Variants in DGKD observed in about 807,000 individuals in gnomAD.
The protein encoded by DGKD is diacylglycerol kinase delta.
Under a neutral mutation model 154.4 loss-of-function variants are expected in DGKD, and 68 were observed. That is an observed-to-expected ratio of 0.44 (90% confidence interval 0.36 to 0.54). The LOEUF is 0.54. Ranked by LOEUF, DGKD falls within the 20% of genes least tolerant of loss-of-function variation. The probability of loss-of-function intolerance (pLI) is 0.00; values close to 1 mark genes in which losing one functional copy is unlikely to be tolerated. For synonymous variants in DGKD, 693 were observed against 638.0 expected, an observed-to-expected ratio of 1.09 and a Z score of -1.30; for missense variants, 1,343 against 1,593.6, an observed-to-expected ratio of 0.84 and a Z score of 2.68.
intron 1 of DGKD, among the ~76,000 whole-genome samples, chr2:233,382,248 CAAAG>C (rs995085383): frequency 2.0e-5 from 3 of 152,128 alleles, no homozygotes; most frequent in Admixed American, 6.5e-5. Flanking sequence ...AACAAACAAA[CAAAG>C]AGATATGCAA....
rs530151189 is a variant in DGKD, at chr2:233,441,817, C to T, written c.1086-70C>T. The T allele has an allele frequency of 3.9e-5, 58 of 1,470,518 alleles. 1 individual carries two copies. Among genetic ancestry groups the T allele is most frequent in the South Asian group, 3.5e-4 (28 of 80,400 alleles). 91.1% of individuals were successfully genotyped at this position (1,470,518 alleles called of 1,614,324 possible). ...AGGAGCACAGGTGGCCCCTCAGCCC[C>T]GTACTGACAAGCCTGTCATTTGTCC... On this transcript the variant is annotated intron_variant, in intron 9 of 29. Transcript: ENST00000264057. The surrounding 1 kb of genome is among the most constrained non-coding windows in gnomAD (Gnocchi z 5.6).
At chr2:233,442,193 CG>C in intron 10 of DGKD, 198 bp downstream of exon 10, 2 of 689,548 alleles carry the variant, frequency 2.9e-6, no homozygotes, top group Non-Finnish European at 5.3e-6. Flanking sequence ...TGTGGAGGCC[CG>C]GGGGCTCTGG....
intron 3 of DGKD, among the ~76,000 whole-genome samples, chr2:233,403,853 G>A (rs2061617039): frequency 6.6e-6 from 1 of 152,038 alleles, no homozygotes; most frequent in Non-Finnish European, 1.5e-5. Context: ...TGCTGGCCAG[G>A]CCGGTCTCGA....
At chr2:233,450,283 T>C (rs1441852203) in intron 16 of DGKD, 152 bp downstream of exon 16, 3 of 1,031,212 alleles carry the variant, frequency 2.9e-6, no homozygotes, top group Non-Finnish European at 4.1e-6. Flanking sequence ...CCTGTTTCTG[T>C]GCATCTCCTG....
intron 17 of DGKD, 119 bp from the exon 18 acceptor site, chr2:233,451,845 A>C: frequency 1.2e-6 from 1 of 837,366 alleles, no homozygotes; most frequent in Non-Finnish European, 1.9e-6. Context: ...ATAATTTTAG[A>C]AACATTTAAT....
intron 1 of DGKD, among the ~76,000 whole-genome samples, chr2:233,361,221 C>T (rs1028751180): frequency 6.6e-6 from 1 of 152,138 alleles, no homozygotes. Flanking sequence ...CCAAAGAAGC[C>T]ACTTCCAAGG....
intron 27 of DGKD, among the ~76,000 whole-genome samples, chr2:233,464,936 G>A (rs2063781069): frequency 1.3e-5 from 2 of 152,256 alleles, no homozygotes; most frequent in South Asian, 4.1e-4. Flanking sequence ...AGTTGCAGAA[G>A]GCAAATAACT....
At chr2:233,406,456 G>A (rs147069411) in intron 3 of DGKD, among the ~76,000 whole-genome samples, 504 of 152,270 alleles carry the variant, frequency 3.3e-3, no homozygotes, top group Admixed American at 5.2e-3. Flanking sequence ...CTGCAAGGTC[G>A]ACCGAGCCCT....
At chr2:233,404,337 A>G (rs2061629264) in intron 3 of DGKD, among the ~76,000 whole-genome samples, 1 of 152,180 alleles carries the variant, frequency 6.6e-6, no homozygotes. Flanking sequence ...TAATGCTAGA[A>G]TGTGCATTTC....
chr2:233,435,604 A>G (rs1278312214), intron 5 of DGKD, among the ~76,000 whole-genome samples: 1 of 152,168 alleles, frequency 6.6e-6, no homozygotes, highest in Non-Finnish European at 1.5e-5. Flanking sequence ...CTGGCCTGTT[A>G]CAGAAAGCTT....
chr2:233,468,502 G>A lies in DGKD; in HGVS notation c.3504G>A (p.Arg1168=), dbSNP rs1387940009. 2.5e-6 allele frequency: 4 copies of A among 1,613,730 alleles called. No homozygotes were observed. In the Admixed American group the frequency reaches 6.7e-5, roughly 27 times the overall value. ...GTGAGTATAAGGACATCTTCACACG[G>A]CACGACATCCGGGGCTCTGAGCTCC... ...SLCEYKDIFT[R]HDIRGSELLH... The change falls in exon 29 of 30, where the codon CGG becomes CGA. Residue 1168 remains arginine (R), a synonymous_variant. Transcript: ENST00000264057.
intron 1 of DGKD, among the ~76,000 whole-genome samples, chr2:233,382,740 C>T (rs1463877441): frequency 6.6e-6 from 1 of 152,194 alleles, no homozygotes; most frequent in African/African-American, 2.4e-5. Flanking sequence ...TGAGATTTTA[C>T]TTCTATCCTT....
At position 233,396,986 on chromosome 2, in the gene DGKD, C is replaced by T. The variant is rs868377496; in HGVS notation, c.348+6503C>T. On this transcript the variant is annotated intron_variant, in intron 3 of 29. Coordinates refer to ENST00000264057, the MANE Select transcript of DGKD (RefSeq NM_152879.3). ...ACCAGGGTGGCTGGGGGGGGCAGAG[C>T]GAGAGGACTCCAGAGGGGACCAGGG... 3.2e-3 allele frequency among the ~76,000 whole-genome samples: 109 copies of T among 34,226 alleles called. 1 individual carries two copies. Among genetic ancestry groups the T allele is most frequent in the African/African-American group, 4.6e-3 (36 of 7,804 alleles). The allele number at this position is 34,226 out of a possible 152,430, so 22.5% of individuals were successfully genotyped here.
chr2:233,428,357 C>G (rs2062385933), intron 3 of DGKD, among the ~76,000 whole-genome samples: 1 of 152,190 alleles, frequency 6.6e-6, no homozygotes, highest in Admixed American at 6.5e-5. Context: ...TGGTGGGACT[C>G]TCCTGTGACA....
chr2:233,362,638 C>T (rs1406878778), intron 1 of DGKD, among the ~76,000 whole-genome samples: 4 of 151,866 alleles, frequency 2.6e-5, no homozygotes, highest in South Asian at 2.1e-4. Context: ...GCGACAAGAG[C>T]GAAACTCTGT....
At chr2:233,468,588 T>C in intron 29 of DGKD, 35 bp downstream of exon 29, 1 of 1,611,718 alleles carries the variant, frequency 6.2e-7, no homozygotes, top group Non-Finnish European at 8.5e-7. Context: ...AACCTGCACT[T>C]GGGCTTGCAC....
intron 3 of DGKD, among the ~76,000 whole-genome samples, chr2:233,430,027 T>C (rs1441991671): frequency 6.6e-6 from 1 of 152,248 alleles, no homozygotes; most frequent in Non-Finnish European, 1.5e-5. Flanking sequence ...TGGGTCTTCT[T>C]AATGTAAATT....
chr2:233,396,386 TAGTC>T (rs1344048701), intron 3 of DGKD, among the ~76,000 whole-genome samples: 1 of 152,244 alleles, frequency 6.6e-6, no homozygotes, highest in African/African-American at 2.4e-5. Context: ...CTCGTTTATT[TAGTC>T]ATTGTTTTGG....
intron 3 of DGKD, among the ~76,000 whole-genome samples, chr2:233,394,690 CCTTTTTTTTTTTTTTTTTTT>C (rs1380396367): frequency 3.2e-4 from 27 of 83,260 alleles, no homozygotes; most frequent in African/African-American, 8.4e-4. Flanking sequence ...AATTTAATTC[CCTTTTTTTTTTTTTTTTTTT>C]TTTTTTTTTT....
Sources: gnomAD v4.1 joint callset for allele counts (sites outside exome capture counted in the v4.1 genomes callset) on GRCh38, gnomAD v4.1.1 for gene constraint, Gnocchi (gnomAD v3.1) non-coding constraint, MANE v1.5 for transcripts, NCBI Gene and HGNC (gene_info 2026-07-23, HGNC 2026-07-21) for gene names.